The following SLC44A5 variants were observed in gnomAD, a reference collection of about 807,000 sequenced individuals.
SLC44A5 encodes choline transporter-like protein 5.
Under a neutral mutation model 101.8 loss-of-function variants are expected in SLC44A5, and 57 were observed. That is an observed-to-expected ratio of 0.56 (90% CI 0.45 to 0.70). SLC44A5 has a LOEUF of 0.70. SLC44A5 is among the 30% of genes least tolerant of loss of function. SLC44A5 has a pLI of 0.00. For missense variants in SLC44A5, 737 were observed against 853.1 expected, an observed-to-expected ratio of 0.86 and a Z score of 1.70; for synonymous variants, 281 against 290.9, an observed-to-expected ratio of 0.97 and a Z score of 0.35.
chr1:75,656,903 C>G, the SLC44A5 span, among the ~76,000 whole-genome samples: 1 of 152,142 alleles, frequency 6.6e-6, no homozygotes, highest in Non-Finnish European at 1.5e-5. Flanking sequence ...AATCCCAGCA[C>G]TTTGGGAGGA....
intron 2 of SLC44A5, among the ~76,000 whole-genome samples, chr1:75,407,554 C>T (rs139911757): frequency 0.017 from 2,628 of 152,182 alleles, 57 homozygotes; most frequent in African/African-American, 0.05. Context: ...AGAAATAATG[C>T]CACACATCTA....
intron 4 of SLC44A5, among the ~76,000 whole-genome samples, chr1:75,329,234 C>T (rs1045209201): frequency 2.6e-5 from 4 of 152,138 alleles, no homozygotes; most frequent in African/African-American, 9.7e-5. Flanking sequence ...TGAAAACTTC[C>T]TCCCTCTTGC....
the SLC44A5 span, among the ~76,000 whole-genome samples, chr1:75,616,156 G>A: frequency 6.6e-6 from 1 of 151,464 alleles, no homozygotes; most frequent in Admixed American, 6.6e-5. Context: ...GGCGGCTGCT[G>A]TGCTGCTCCT....
Position 75,300,740 on chromosome 1 carries a change from T to C in SLC44A5, c.102-55A>G. 2.6e-6 allele frequency: 3 copies of C among 1,175,664 alleles called. No individual in the cohort carries two copies. The East Asian group carries it at 7.6e-5, about 30-fold the overall frequency. 72.8% of individuals were successfully genotyped at this position (1,175,664 alleles called of 1,614,324 possible). ...AAAGAGGTCCCAAATGACTTCCTGT[T>C]TCCTGCACAAAATGAAGGAAGAGAG... On this transcript the variant is annotated intron_variant, in intron 4 of 23. Coordinates refer to ENST00000370859, the MANE Select transcript of SLC44A5 (RefSeq NM_001130058.2).
intron 3 of SLC44A5, among the ~76,000 whole-genome samples, chr1:75,359,234 T>A (rs1054408114): frequency 6.9e-6 from 1 of 145,968 alleles, no homozygotes. Context: ...TCTTTTCTTT[T>A]TTTTTTTTTT....
At chr1:75,706,535 T>C in the SLC44A5 span, among the ~76,000 whole-genome samples, 1 of 152,158 alleles carries the variant, frequency 6.6e-6, no homozygotes, top group African/African-American at 2.4e-5. Context: ...TAAAATTACC[T>C]AGTGTGATTG....
chr1:75,308,745 G>C (rs1381313059), intron 4 of SLC44A5, among the ~76,000 whole-genome samples: 1 of 152,164 alleles, frequency 6.6e-6, no homozygotes, highest in African/African-American at 2.4e-5. Flanking sequence ...AATCTTTTTG[G>C]AATAAGTTAG....
At chr1:75,293,143 T>C (rs1653695128) in intron 5 of SLC44A5, among the ~76,000 whole-genome samples, 2 of 152,232 alleles carry the variant, frequency 1.3e-5, no homozygotes. Flanking sequence ...TCATAGCAGA[T>C]AACCAAAGAT....
At chr1:75,480,786 C>T (rs549794722) in intron 2 of SLC44A5, among the ~76,000 whole-genome samples, 1 of 152,292 alleles carries the variant, frequency 6.6e-6, no homozygotes, top group East Asian at 1.9e-4. Context: ...ATTCCATGCT[C>T]ATTGGTAGAA....
At chr1:75,318,980 A>G (rs1655932117) in intron 4 of SLC44A5, among the ~76,000 whole-genome samples, 1 of 151,966 alleles carries the variant, frequency 6.6e-6, no homozygotes, top group South Asian at 2.1e-4. Flanking sequence ...TCATATTTTC[A>G]AGGCCTTTCT....
At chr1:75,670,944 TC>T in the SLC44A5 span, among the ~76,000 whole-genome samples, 1 of 152,126 alleles carries the variant, frequency 6.6e-6, no homozygotes, top group Non-Finnish European at 1.5e-5. Flanking sequence ...GAAATGACCG[TC>T]ATGAAGAAAG....
chr1:75,330,542 C>CT (rs1373161847), intron 4 of SLC44A5, among the ~76,000 whole-genome samples: 1 of 152,164 alleles, frequency 6.6e-6, no homozygotes, highest in Non-Finnish European at 1.5e-5. Context: ...GTTCTGGACT[C>CT]TGTCTTTAGG....
At chr1:75,538,399 A>T (rs144073275) in intron 2 of SLC44A5, among the ~76,000 whole-genome samples, 1 of 152,340 alleles carries the variant, frequency 6.6e-6, no homozygotes, top group Non-Finnish European at 1.5e-5. Context: ...ATATAGATGC[A>T]GATTGTAAAA....
intron 4 of SLC44A5, among the ~76,000 whole-genome samples, chr1:75,301,466 T>C (rs1654444716): frequency 6.6e-6 from 1 of 152,186 alleles, no homozygotes; most frequent in Admixed American, 6.5e-5. Flanking sequence ...CATTCTTTAT[T>C]TGAAACTTAA....
chr1:75,707,069 CA>C, the SLC44A5 span, among the ~76,000 whole-genome samples: 1 of 152,118 alleles, frequency 6.6e-6, no homozygotes, highest in Non-Finnish European at 1.5e-5. Context: ...GTCTTTTTCA[CA>C]TGATATGGTA....
At chr1:75,243,653 G>A (rs1473255184) in intron 7 of SLC44A5, among the ~76,000 whole-genome samples, 1 of 152,002 alleles carries the variant, frequency 6.6e-6, no homozygotes, top group African/African-American at 2.4e-5. Context: ...TTTCCTCAAT[G>A]GTAAGAACTT....
At chr1:75,453,946 T>G (rs371280794) in intron 2 of SLC44A5, among the ~76,000 whole-genome samples, 1 of 152,190 alleles carries the variant, frequency 6.6e-6, no homozygotes, top group African/African-American at 2.4e-5. Flanking sequence ...CAAGATGAAC[T>G]CACAGCCAAA....
the SLC44A5 span, among the ~76,000 whole-genome samples, chr1:75,636,150 A>G: frequency 6.6e-6 from 1 of 151,982 alleles, no homozygotes; most frequent in Non-Finnish European, 1.5e-5. Flanking sequence ...GCTTCCACGT[A>G]TGAGTGAGAA....
chr1:75,232,381 A>G (rs558978501), intron 12 of SLC44A5, among the ~76,000 whole-genome samples: 2 of 152,254 alleles, frequency 1.3e-5, no homozygotes, highest in South Asian at 2.1e-4. Flanking sequence ...CAGACTCTCC[A>G]GTGGCAAAGG....
Sources: allele counts gnomAD v4.1 joint callset (sites outside exome capture counted in the v4.1 genomes callset), GRCh38; gene constraint gnomAD v4.1.1; transcripts MANE v1.5; gene names NCBI Gene and HGNC (gene_info 2026-07-23, HGNC 2026-07-21).